Variants in GABRG3 observed in about 807,000 individuals in gnomAD.
GABRG3 encodes gamma-aminobutyric acid receptor subunit gamma-3.
GABRG3 carries 25 observed loss-of-function variants against 48.8 expected under a neutral mutation model. The ratio of observed to expected loss-of-function variants is 0.51; its 90% CI spans 0.37 to 0.72. GABRG3 has a LOEUF of 0.72. Ranked by LOEUF, GABRG3 falls within the 30% of genes least tolerant of loss-of-function variation. The pLI, the probability that GABRG3 is intolerant of heterozygous loss-of-function variation, is 0.00. For synonymous variants in GABRG3, 227 were observed against 217.6 expected (o/e 1.04, Z -0.38); for missense variants, 394 against 577.9 (o/e 0.68, Z 3.26).
chr15:27,290,778 A>G (rs1891770144), intron 3 of GABRG3, among the ~76,000 whole-genome samples: 1 of 152,244 alleles, frequency 6.6e-6, no homozygotes, highest in Non-Finnish European at 1.5e-5. Flanking sequence ...AGTGAAAACA[A>G]TATTAGGGAA....
intron 5 of GABRG3, among the ~76,000 whole-genome samples, chr15:27,437,212 A>T (rs1888646055): frequency 6.6e-6 from 1 of 152,182 alleles, no homozygotes; most frequent in Admixed American, 6.5e-5. Context: ...TCAAAACTCA[A>T]ACTTTAGAAT....
intron 5 of GABRG3, among the ~76,000 whole-genome samples, chr15:27,470,566 C>A (rs905781562): frequency 6.8e-6 from 1 of 147,146 alleles, no homozygotes; most frequent in Admixed American, 6.8e-5. Flanking sequence ...ATTTTTATTT[C>A]TTCCTTTGTT....
chr15:27,431,919 A>G (rs991940837), intron 5 of GABRG3, among the ~76,000 whole-genome samples: 1 of 152,158 alleles, frequency 6.6e-6, no homozygotes, highest in Admixed American at 6.6e-5. Flanking sequence ...TTAGGAGTGT[A>G]GTATTTAATT....
intron 3 of GABRG3, among the ~76,000 whole-genome samples, chr15:27,176,226 C>G: frequency 6.6e-6 from 1 of 152,188 alleles, no homozygotes; most frequent in East Asian, 1.9e-4. Context: ...AACCACTCAT[C>G]CCTTTTTATG....
At chr15:27,307,714 T>C (rs1377770409) in intron 3 of GABRG3, among the ~76,000 whole-genome samples, 1 of 132,544 alleles carries the variant, frequency 7.5e-6, no homozygotes, top group African/African-American at 2.7e-5. Flanking sequence ...TATAAACCTA[T>C]AGGTTTATAT....
chr15:27,124,035 T>C (rs6606876), intron 3 of GABRG3, among the ~76,000 whole-genome samples: 129,277 of 152,148 alleles, frequency 0.85, 55,467 homozygotes, highest in Non-Finnish European at 0.91. Flanking sequence ...CTGAATTAAA[T>C]TCCAGATTGG....
chr15:27,430,306 A>G (rs1888410400), intron 5 of GABRG3, among the ~76,000 whole-genome samples: 1 of 152,176 alleles, frequency 6.6e-6, no homozygotes, highest in African/African-American at 2.4e-5. Flanking sequence ...CAACTCCCTT[A>G]TCATATTGTA....
chr15:27,202,737 T>A (rs1308959463), intron 3 of GABRG3, among the ~76,000 whole-genome samples: 1 of 152,188 alleles, frequency 6.6e-6, no homozygotes, highest in African/African-American at 2.4e-5. Context: ...CTTACCCATA[T>A]ACCTCTTTTC....
At chr15:27,461,999 A>G (rs1379919692) in intron 5 of GABRG3, among the ~76,000 whole-genome samples, 1 of 152,178 alleles carries the variant, frequency 6.6e-6, no homozygotes, top group African/African-American at 2.4e-5. Flanking sequence ...ATTGTCTGCC[A>G]TGCTTCTTGG....
At chr15:27,058,094 C>T (rs1896583181) in intron 3 of GABRG3, among the ~76,000 whole-genome samples, 1 of 152,218 alleles carries the variant, frequency 6.6e-6, no homozygotes, top group South Asian at 2.1e-4. Flanking sequence ...TCGTGCTCAT[C>T]TGCTCCATCT....
chr15:27,531,343 C>T (rs1367804180), intron 9 of GABRG3, among the ~76,000 whole-genome samples: 1 of 152,222 alleles, frequency 6.6e-6, no homozygotes, highest in African/African-American at 2.4e-5. Flanking sequence ...GATTTATGAC[C>T]CCATGACTAT....
At chr15:27,336,301 G>T (rs1040802969) in intron 5 of GABRG3, among the ~76,000 whole-genome samples, 5 of 150,410 alleles carry the variant, frequency 3.3e-5, no homozygotes, top group African/African-American at 1.2e-4. Flanking sequence ...AAAAGAAGAA[G>T]GAGAAGGAGA....
At chr15:27,384,595 C>A (rs1035950639) in intron 5 of GABRG3, among the ~76,000 whole-genome samples, 1 of 152,144 alleles carries the variant, frequency 6.6e-6, no homozygotes, top group Non-Finnish European at 1.5e-5. Context: ...ATTAGAGAAT[C>A]ATGAAATTGC....
At position 26,976,106 on chromosome 15, in the gene GABRG3, C is replaced by T. The variant is rs532321993; in HGVS notation, c.54-896C>T. On this transcript the variant is annotated intron_variant, in intron 1 of 9. Transcript: ENST00000615808. The surrounding 1 kb of genome is among the most constrained non-coding windows in gnomAD (Gnocchi z 7.8). ...ATAAACCAAACATTTTTTAAAAAAC[C>T]CAAAACTGCAGAACCAAAAAAAAAA... Among the ~76,000 whole-genome samples the T allele has an allele frequency of 3.3e-5, 5 of 151,038 alleles. No homozygotes were observed. The East Asian group carries it at 9.8e-4, about 29-fold the overall frequency.
chr15:27,339,515 C>T (rs1192972412), intron 5 of GABRG3, among the ~76,000 whole-genome samples: 2 of 152,304 alleles, frequency 1.3e-5, no homozygotes, highest in East Asian at 1.9e-4. Context: ...CCTTGCTTCC[C>T]GTTACTGTAG....
intron 5 of GABRG3, among the ~76,000 whole-genome samples, chr15:27,397,572 C>T (rs1887343593): frequency 6.6e-6 from 1 of 152,044 alleles, no homozygotes; most frequent in African/African-American, 2.4e-5. Context: ...GGGCGTATTC[C>T]CTTGGATTTT....
chr15:27,282,806 A>G (rs929046998), intron 3 of GABRG3, among the ~76,000 whole-genome samples: 2 of 152,110 alleles, frequency 1.3e-5, no homozygotes, highest in Non-Finnish European at 1.5e-5. Flanking sequence ...GTGATTTTCA[A>G]TTTTATCCTG....
At chr15:27,025,179 C>G (rs1431525582) in intron 2 of GABRG3, among the ~76,000 whole-genome samples, 4 of 152,136 alleles carry the variant, frequency 2.6e-5, no homozygotes, top group African/African-American at 9.7e-5. Context: ...CTGCTCACTG[C>G]AAGCTGTTAA....
In GABRG3 at chr15:27,236,967, TC is replaced by T. The variant is rs2140451273; in HGVS notation, c.271-89839del. On this transcript the variant is annotated intron_variant, in intron 3 of 9. Transcript: ENST00000615808. This position sits in a 1 kb window ranked among gnomAD's most constrained non-coding sequence, Gnocchi z 4.4. ...CTGGGCTTGTGCTGGAGGTTATGCT[TC>T]CCAGCCTGCAGGACGGCCACCCGTA... Among the ~76,000 whole-genome samples the T allele has an allele frequency of 6.6e-6, 1 of 152,294 alleles. No individual in the cohort carries two copies. The highest frequency in any genetic ancestry group is 2.1e-4 in the South Asian group (1 of 4,824).
Sources: gnomAD v4.1 joint callset for allele counts (sites outside exome capture counted in the v4.1 genomes callset) on GRCh38, gnomAD v4.1.1 for gene constraint, Gnocchi (gnomAD v3.1) non-coding constraint, MANE v1.5 for transcripts, NCBI Gene and HGNC (gene_info 2026-07-23, HGNC 2026-07-21) for gene names.